TNFRSF8: variants seen among roughly 807,000 people sequenced by gnomAD.
TNFRSF8 encodes the protein tumor necrosis factor receptor superfamily member 8.
TNFRSF8 carries 26 observed loss-of-function variants against 70.8 expected under a neutral mutation model. That is an observed-to-expected ratio of 0.37 (90% CI 0.27 to 0.51). The LOEUF is 0.51. Among genes scored for constraint, TNFRSF8 ranks in the 20% least tolerant of loss-of-function variants. TNFRSF8 has a pLI of 0.94. For synonymous variants in TNFRSF8, 356 were observed against 339.2 expected, an observed-to-expected ratio of 1.05 and a Z score of -0.54; for missense variants, 720 against 807.9, an observed-to-expected ratio of 0.89 and a Z score of 1.32.
At chr1:12,106,523 C>G (rs1458950411) in intron 4 of TNFRSF8, among the ~76,000 whole-genome samples, 1 of 152,180 alleles carries the variant, frequency 6.6e-6, no homozygotes, top group East Asian at 1.9e-4. Flanking sequence ...AGACCATGCC[C>G]CTGGTGTCCA....
chr1:12,093,672 C>G (rs771747239), intron 2 of TNFRSF8, among the ~76,000 whole-genome samples: 1 of 152,074 alleles, frequency 6.6e-6, no homozygotes, highest in Non-Finnish European at 1.5e-5. Context: ...TCCCAGGTAG[C>G]TGGTATTACA....
intron 12 of TNFRSF8, among the ~76,000 whole-genome samples, chr1:12,130,655 G>A (rs1031495213): frequency 1.3e-5 from 2 of 152,228 alleles, no homozygotes; most frequent in African/African-American, 2.4e-5. Context: ...GCTTTACATC[G>A]CATGTGAGAA....
intron 8 of TNFRSF8, among the ~76,000 whole-genome samples, chr1:12,118,121 T>C (rs1168024057): frequency 1.3e-5 from 2 of 148,878 alleles, no homozygotes; most frequent in Admixed American, 6.7e-5. Context: ...CCCCACCCTT[T>C]TCTTTTTGAG....
intron 12 of TNFRSF8, among the ~76,000 whole-genome samples, chr1:12,129,763 G>C (rs543583228): frequency 1.3e-5 from 2 of 152,148 alleles, no homozygotes; most frequent in Non-Finnish European, 2.9e-5. Flanking sequence ...TGTGTACTTT[G>C]AGCGCTCGAC....
intron 12 of TNFRSF8, among the ~76,000 whole-genome samples, chr1:12,132,577 C>G (rs922306560): frequency 3.3e-5 from 5 of 152,180 alleles, no homozygotes; most frequent in Non-Finnish European, 5.9e-5. Context: ...GTAGCTCATG[C>G]CTGTAATCCC....
At chr1:12,104,249 C>A in intron 3 of TNFRSF8, 130 bp from the exon 4 acceptor site, 2 of 923,362 alleles carry the variant, frequency 2.2e-6, no homozygotes, top group Non-Finnish European at 3.4e-6. Flanking sequence ...TTAGTGGTCA[C>A]CAGGGGGTTG....
Position 12,110,135 on chromosome 1 carries a change from G to T in TNFRSF8, c.607G>T (p.Glu203Ter). ...PVRGGTRLAQEAASKLTRAPD... is the reference protein window; with the variant it reads ...PVRGGTRLAQ ...AAGAGGGGGCACCCGCCTCGCCCAG[G>T]AAGCTGCTTCTAAACTGACGAGGGC... Residue 203 changes from glutamate (E) to a stop codon, truncating the protein, a stop_gained, in exon 6 of 15, where the codon GAA (glutamate) becomes TAA (stop). Transcript: ENST00000263932. LOFTEE classifies it high-confidence loss of function. This position sits in a 1 kb window ranked among gnomAD's most constrained non-coding sequence, Gnocchi z 4.0. The T allele has an allele frequency of 6.2e-7, 1 of 1,613,678 alleles. No homozygotes were observed. The highest frequency in any genetic ancestry group is 8.5e-7 in the Non-Finnish European group (1 of 1,179,836).
intron 10 of TNFRSF8, among the ~76,000 whole-genome samples, chr1:12,125,438 G>A (rs1641920701): frequency 6.6e-6 from 1 of 152,194 alleles, no homozygotes; most frequent in South Asian, 2.1e-4. Context: ...CGGTGCCTAG[G>A]GCATAGGGTT....
rs1010258440 is a variant in TNFRSF8 at position 12,088,582 on chromosome 1, A to G, written c.151+4031A>G. Among the ~76,000 whole-genome samples, 22 of 152,300 alleles carry G rather than the reference A, an allele frequency of 1.4e-4. No homozygotes were observed. The highest frequency in any genetic ancestry group is 1.2e-3 in the Admixed American group (19 of 15,298). On this transcript the variant is annotated intron_variant, in intron 2 of 14. Transcript: ENST00000263932. This position sits in a 1 kb window ranked among gnomAD's most constrained non-coding sequence, Gnocchi z 4.0. ...CCCTTCCTGTTCTCCATCTTCCTGG[A>G]CTACCCTCTCTTTGTGTGCAGACTC...
At chr1:12,131,324 C>T (rs1044326288) in intron 12 of TNFRSF8, among the ~76,000 whole-genome samples, 11 of 152,032 alleles carry the variant, frequency 7.2e-5, no homozygotes, top group African/African-American at 2.7e-4. Flanking sequence ...GTGGCACACA[C>T]CTGTAATCCC....
At chr1:12,083,745 C>T (rs1398072539) in intron 1 of TNFRSF8, among the ~76,000 whole-genome samples, 1 of 152,176 alleles carries the variant, frequency 6.6e-6, no homozygotes, top group Non-Finnish European at 1.5e-5. Flanking sequence ...TTGTGTGATG[C>T]TATACTGCAA....
At chr1:12,133,534 G>A (rs190716635) in intron 12 of TNFRSF8, among the ~76,000 whole-genome samples, 2 of 151,770 alleles carry the variant, frequency 1.3e-5, no homozygotes, top group African/African-American at 4.8e-5. Flanking sequence ...GAGGTCAAGA[G>A]ATCGAGACCA....
chr1:12,115,552 C>T (rs530146043), intron 7 of TNFRSF8, 25 bp from the exon 8 acceptor site: 52 of 1,614,138 alleles, frequency 3.2e-5, no homozygotes, highest in East Asian at 3.1e-4. Flanking sequence ...GATCTTTCTC[C>T]GTGATCCTCA....
chr1:12,124,491 G>T (rs1641894090), intron 10 of TNFRSF8, among the ~76,000 whole-genome samples: 1 of 152,188 alleles, frequency 6.6e-6, no homozygotes, highest in African/African-American at 2.4e-5. Flanking sequence ...GACCGTGCAG[G>T]GTTATAAGCA....
intron 1 of TNFRSF8, among the ~76,000 whole-genome samples, chr1:12,069,170 CTTTTTTT>C (rs57009728): frequency 4.9e-4 from 26 of 53,580 alleles, no homozygotes; most frequent in Non-Finnish European, 6.1e-4. Flanking sequence ...TGCACCCGGC[CTTTTTTT>C]TTTTTTTTTT....
intron 8 of TNFRSF8, among the ~76,000 whole-genome samples, chr1:12,121,419 C>A (rs1180584148): frequency 2.0e-5 from 3 of 152,168 alleles, no homozygotes; most frequent in African/African-American, 7.2e-5. Flanking sequence ...GGTGCCTCCA[C>A]CAGGGCTCTG....
At chr1:12,098,190 T>C (rs1299183344) in intron 3 of TNFRSF8, among the ~76,000 whole-genome samples, 1 of 152,224 alleles carries the variant, frequency 6.6e-6, no homozygotes, top group Admixed American at 6.5e-5. Flanking sequence ...GGCATTAATA[T>C]TGCTATTCCT....
chr1:12,142,310 G>A lies in TNFRSF8; in HGVS notation c.1567G>A (p.Asp523Asn). Residue 523 changes from aspartate to asparagine, a missense_variant, in exon 15 of 15, where the codon GAC (aspartate) becomes AAC (asparagine). Asp to Asn is a conservative substitution (Grantham distance 23). Coordinates refer to ENST00000263932, the MANE Select transcript of TNFRSF8 (RefSeq NM_001243.5). This position sits in a 1 kb window ranked among gnomAD's most constrained non-coding sequence, Gnocchi z 5.0. ...AGAGAAAATCTACATCATGAAGGCT[G>A]ACACCGTGATCGTGGGGACCGTGAA... ...KIEKIYIMKA[D>N]TVIVGTVKAE... 6.2e-7 allele frequency: 1 copy of A among 1,601,428 alleles called. No individual in the cohort carries two copies. Among genetic ancestry groups the A allele is most frequent in the Non-Finnish European group, 8.5e-7 (1 of 1,173,702 alleles).
intron 1 of TNFRSF8, among the ~76,000 whole-genome samples, chr1:12,069,196 T>G (rs367789894): frequency 5.6e-5 from 5 of 89,706 alleles, no homozygotes; most frequent in South Asian, 3.9e-4. Context: ...TTTTTTTTTT[T>G]TGATGGAGTT....
Sources: gnomAD v4.1 joint callset for allele counts (sites outside exome capture counted in the v4.1 genomes callset) on GRCh38, gnomAD v4.1.1 for gene constraint, Gnocchi (gnomAD v3.1) non-coding constraint, MANE v1.5 for transcripts, NCBI Gene and HGNC (gene_info 2026-07-23, HGNC 2026-07-21) for gene names.